The following LRP1B variants were observed in gnomAD, a reference collection of about 807,000 sequenced individuals.
LRP1B encodes the protein low-density lipoprotein receptor-related protein 1B.
LRP1B carries 217 observed loss-of-function variants against 556.6 expected under a neutral mutation model. That is an observed-to-expected ratio of 0.39 (90% CI 0.35 to 0.44). The LOEUF is 0.44. Ranked by LOEUF, LRP1B falls within the 20% of genes least tolerant of loss-of-function variation. The pLI, the probability that LRP1B is intolerant of heterozygous loss-of-function variation, is 1.00. For missense variants in LRP1B, 5,053 were observed against 5,620.8 expected, an observed-to-expected ratio of 0.90 and a Z score of 3.23; for synonymous variants, 2,047 against 1,865.8, an observed-to-expected ratio of 1.10 and a Z score of -2.50.
chr2:140,763,714 C>T (rs1384519332), intron 35 of LRP1B, among the ~76,000 whole-genome samples: 1 of 151,948 alleles, frequency 6.6e-6, no homozygotes, highest in Non-Finnish European at 1.5e-5. Flanking sequence ...TGAGATATTT[C>T]CAGTAATTTA....
At chr2:141,728,175 C>T (rs1054817012) in intron 2 of LRP1B, among the ~76,000 whole-genome samples, 5 of 152,114 alleles carry the variant, frequency 3.3e-5, no homozygotes, top group Admixed American at 2.0e-4. Context: ...GAGAGAAGAA[C>T]TTGCAAAGCA....
intron 5 of LRP1B, among the ~76,000 whole-genome samples, chr2:141,240,079 T>C (rs1339026670): frequency 1.3e-5 from 2 of 152,100 alleles, no homozygotes; most frequent in Admixed American, 1.3e-4. Flanking sequence ...GTGGGAGTCA[T>C]CGACAGAGGC....
chr2:140,372,005 C>T (rs1028791821), intron 69 of LRP1B, among the ~76,000 whole-genome samples: 2 of 152,006 alleles, frequency 1.3e-5, no homozygotes, highest in Admixed American at 1.3e-4. Flanking sequence ...GATGTAAATA[C>T]TACCCAGTCT....
chr2:141,851,331 T>A (rs1466143068), intron 1 of LRP1B, among the ~76,000 whole-genome samples: 1 of 151,866 alleles, frequency 6.6e-6, no homozygotes, highest in Non-Finnish European at 1.5e-5. Context: ...TTGGTGACCA[T>A]CCCCTAGGTA....
intron 3 of LRP1B, among the ~76,000 whole-genome samples, chr2:141,304,558 C>T (rs577044611): frequency 1.4e-5 from 2 of 146,852 alleles, no homozygotes; most frequent in East Asian, 2.0e-4. Context: ...TGGCTCACTG[C>T]AACCTCCACC....
At chr2:140,506,521 G>A (rs1404168828) in intron 53 of LRP1B, among the ~76,000 whole-genome samples, 1 of 152,096 alleles carries the variant, frequency 6.6e-6, no homozygotes, top group Non-Finnish European at 1.5e-5. Flanking sequence ...TAGGACTACA[G>A]GCATGAGCCA....
At chr2:141,294,661 G>T (rs1222530505) in intron 3 of LRP1B, among the ~76,000 whole-genome samples, 2 of 150,986 alleles carry the variant, frequency 1.3e-5, no homozygotes, top group Non-Finnish European at 1.5e-5. Flanking sequence ...GATGGCTGGA[G>T]CCCAGGAGTT....
intron 62 of LRP1B, among the ~76,000 whole-genome samples, chr2:140,455,247 C>T (rs1687048621): frequency 6.6e-6 from 1 of 151,974 alleles, no homozygotes. Context: ...ATTAGAATAA[C>T]ACATTTTGTA....
intron 3 of LRP1B, among the ~76,000 whole-genome samples, chr2:141,292,338 T>C (rs954163549): frequency 6.6e-6 from 1 of 152,160 alleles, no homozygotes; most frequent in Non-Finnish European, 1.5e-5. Flanking sequence ...GATAGGCATC[T>C]AGGGTGCAGA....
intron 2 of LRP1B, among the ~76,000 whole-genome samples, chr2:141,486,703 G>C (rs1250874881): frequency 6.6e-6 from 1 of 151,960 alleles, no homozygotes; most frequent in Non-Finnish European, 1.5e-5. Context: ...ATATTTCAAA[G>C]TCCTGTACCT....
chr2:140,359,829 AC>A (rs1015393399), intron 72 of LRP1B, among the ~76,000 whole-genome samples: 1 of 151,470 alleles, frequency 6.6e-6, no homozygotes, highest in Non-Finnish European at 1.5e-5. Context: ...ATCTCGTCTT[AC>A]CCCTTGTTCT....
rs1274501007 is a variant in LRP1B, at chr2:140,700,595, C to A, written c.6454G>T (p.Gly2152Cys). Residue 2152 changes from glycine to cysteine, a missense_variant, in exon 41 of 91, where the codon GGT becomes TGT. Coordinates refer to ENST00000389484, the MANE Select transcript of LRP1B (RefSeq NM_018557.3). ...TAAAGACAGAGTTGCTTACAGCCACCATTGTCCCTGGCACAAACATTGGTC... is the reference window on the plus strand; with the variant it reads ...TAAAGACAGAGTTGCTTACAGCCACAATTGTCCCTGGCACAAACATTGGTC... ...KGTNVCARDN[G>C]GCKQLCLYRG... 6.2e-7 allele frequency: 1 copy of A among 1,613,376 alleles called. No individual in the cohort carries two copies. Among genetic ancestry groups the A allele is most frequent in the Non-Finnish European group, 8.5e-7 (1 of 1,179,608 alleles).
At position 140,297,845 on chromosome 2, in the gene LRP1B, G is replaced by A. The variant is rs1369910414; in HGVS notation, c.12930C>T (p.His4310=). The A allele has an allele frequency of 1.9e-6, 3 of 1,613,790 alleles. No homozygotes were observed. The highest frequency in any genetic ancestry group is 1.7e-4 in the Middle Eastern group (1 of 6,016). The change falls in exon 84 of 91, where the codon CAC becomes CAT. Residue 4310 remains histidine, a synonymous_variant. Transcript: ENST00000389484. ...TGTCTCCGGTGTATTCCGGCTGGCA[G>A]TGGCAGTAAGGCTGGTTTCCAGCAG... ...IVTAGNQPYC[H]CQPEYTGDRC...
intron 2 of LRP1B, among the ~76,000 whole-genome samples, chr2:141,556,643 C>CT (rs2105239916): frequency 6.6e-6 from 1 of 151,940 alleles, no homozygotes; most frequent in African/African-American, 2.4e-5. Flanking sequence ...AAACAAATAT[C>CT]ACTTCCAAGA....
chr2:140,628,318 CAGG>C (rs1405239062), intron 41 of LRP1B, among the ~76,000 whole-genome samples: 2 of 152,034 alleles, frequency 1.3e-5, no homozygotes, highest in African/African-American at 4.8e-5. Flanking sequence ...ATCACGAGGT[CAGG>C]AGATCAAGAC....
intron 60 of LRP1B, among the ~76,000 whole-genome samples, chr2:140,463,485 C>A (rs1458957137): frequency 6.6e-6 from 1 of 152,130 alleles, no homozygotes; most frequent in Non-Finnish European, 1.5e-5. Context: ...AACATTTTGC[C>A]TGCTTACCCT....
At chr2:140,532,013 T>C (rs115034304) in intron 47 of LRP1B, among the ~76,000 whole-genome samples, 3,506 of 152,206 alleles carry the variant, frequency 0.023, 132 homozygotes, top group African/African-American at 0.08. Flanking sequence ...CCTCTGAGTT[T>C]TTCTCCTTAA....
chr2:141,488,621 G>T (rs1026517525), intron 2 of LRP1B, among the ~76,000 whole-genome samples: 3 of 151,808 alleles, frequency 2.0e-5, no homozygotes, highest in Non-Finnish European at 4.4e-5. Flanking sequence ...ACCAAACCTG[G>T]CTAATTCTTT....
chr2:140,788,166 T>C (rs1396982466), intron 32 of LRP1B, among the ~76,000 whole-genome samples: 1 of 152,116 alleles, frequency 6.6e-6, no homozygotes, highest in Non-Finnish European at 1.5e-5. Flanking sequence ...GTCAAATGGC[T>C]CAAATGGTAA....
Sources: gnomAD v4.1 joint callset for allele counts (sites outside exome capture counted in the v4.1 genomes callset) on GRCh38, gnomAD v4.1.1 for gene constraint, MANE v1.5 for transcripts, NCBI Gene and HGNC (gene_info 2026-07-23, HGNC 2026-07-21) for gene names.